Variants in ERC2 observed in about 807,000 individuals in gnomAD.
The protein encoded by ERC2 is ERC protein 2.
In ERC2, 42 loss-of-function variants were observed where a neutral mutation model predicts 114.8. That is an observed-to-expected ratio of 0.37 (90% confidence interval 0.29 to 0.47). ERC2 has a LOEUF of 0.47. Among genes scored for constraint, ERC2 ranks in the 20% least tolerant of loss-of-function variants. The pLI, the probability that ERC2 is intolerant of heterozygous loss-of-function variation, is 0.99. For missense variants in ERC2, 939 were observed against 1,150.7 expected (o/e 0.82, Z 2.66); for synonymous variants, 454 against 425.5 (o/e 1.07, Z -0.82).
intron 14 of ERC2, among the ~76,000 whole-genome samples, chr3:55,830,490 G>T (rs766714342): frequency 3.3e-5 from 5 of 152,104 alleles, no homozygotes; most frequent in Non-Finnish European, 7.4e-5. Context: ...GTCTTGGGAG[G>T]GGGTTTCAAT....
At position 55,867,889 on chromosome 3, in the gene ERC2, ATTC is replaced by A. The variant is rs1362847959; in HGVS notation, c.2564+20497_2564+20499del. Among the ~76,000 whole-genome samples the A allele has an allele frequency of 2.0e-5, 3 of 152,302 alleles. No individual in the cohort carries two copies. In the East Asian group the frequency reaches 5.8e-4, roughly 29 times the overall value. On this transcript the variant is annotated intron_variant, in intron 14 of 17. Coordinates refer to ENST00000288221, the MANE Select transcript of ERC2 (RefSeq NM_015576.3). ...CAAATTTTTATTTTGTATAAGAATT[ATTC>A]TTATCTTGAATGATATAATATTATT...
At chr3:56,147,547 C>T (rs2081205304) in intron 5 of ERC2, among the ~76,000 whole-genome samples, 1 of 152,142 alleles carries the variant, frequency 6.6e-6, no homozygotes, top group African/African-American at 2.4e-5. Flanking sequence ...AATTTGCAAA[C>T]TCAGCAAGGA....
intron 17 of ERC2, among the ~76,000 whole-genome samples, chr3:55,674,658 A>AGTCT (rs1379995667): frequency 6.6e-6 from 1 of 152,120 alleles, no homozygotes; most frequent in Non-Finnish European, 1.5e-5. Flanking sequence ...CACATATGGG[A>AGTCT]GTCTGCCTTT....
At chr3:56,058,810 C>A (rs573572735) in intron 7 of ERC2, among the ~76,000 whole-genome samples, 7 of 152,342 alleles carry the variant, frequency 4.6e-5, no homozygotes, top group African/African-American at 1.4e-4. Flanking sequence ...TCTGGATTCA[C>A]AAAGTCCCCA....
At chr3:55,836,191 T>C (rs1028202328) in intron 14 of ERC2, among the ~76,000 whole-genome samples, 1 of 152,174 alleles carries the variant, frequency 6.6e-6, no homozygotes, top group Non-Finnish European at 1.5e-5. Context: ...AGGTAATTTA[T>C]AGATTCAATG....
At chr3:55,537,641 C>T (rs1329809242) in intron 17 of ERC2, among the ~76,000 whole-genome samples, 2 of 152,172 alleles carry the variant, frequency 1.3e-5, no homozygotes, top group African/African-American at 4.8e-5. Context: ...TAGTTTAGTA[C>T]AAATGCAGCT....
At chr3:55,570,386 C>T (rs540990049) in intron 17 of ERC2, among the ~76,000 whole-genome samples, 7 of 152,058 alleles carry the variant, frequency 4.6e-5, no homozygotes, top group Non-Finnish European at 8.8e-5. Flanking sequence ...AGAAGAGAGG[C>T]GAAGTCCACA....
chr3:55,675,695 C>T (rs1017321044), intron 17 of ERC2, among the ~76,000 whole-genome samples: 11 of 152,062 alleles, frequency 7.2e-5, no homozygotes, highest in Non-Finnish European at 1.5e-4. Context: ...TATTCTCAGG[C>T]TACAAGTCTC....
At chr3:56,316,956 C>T (rs1473912763) in intron 2 of ERC2, among the ~76,000 whole-genome samples, 1 of 152,212 alleles carries the variant, frequency 6.6e-6, no homozygotes. Flanking sequence ...GTGACATTCA[C>T]TCAACTCACT....
intron 3 of ERC2, among the ~76,000 whole-genome samples, chr3:56,176,151 T>C (rs1237600475): frequency 1.3e-5 from 2 of 152,248 alleles, no homozygotes; most frequent in African/African-American, 4.8e-5. Context: ...ATTCATTTCA[T>C]AGATCACCCA....
intron 12 of ERC2, among the ~76,000 whole-genome samples, chr3:55,964,476 G>A (rs191637274): frequency 4.8e-4 from 73 of 151,436 alleles, no homozygotes; most frequent in Admixed American, 9.2e-4. Context: ...TTTCTATGAG[G>A]TAGGCAAAGC....
chr3:55,620,568 C>A (rs1055714798), intron 17 of ERC2, among the ~76,000 whole-genome samples: 1 of 152,146 alleles, frequency 6.6e-6, no homozygotes, highest in Non-Finnish European at 1.5e-5. Flanking sequence ...TTCCTCTGTG[C>A]CCCATAATCT....
intron 13 of ERC2, among the ~76,000 whole-genome samples, chr3:55,942,180 G>A (rs1454769077): frequency 6.7e-6 from 1 of 150,060 alleles, no homozygotes; most frequent in Non-Finnish European, 1.5e-5. Flanking sequence ...CTCTAGGATC[G>A]TGGGCAGGTC....
At chr3:56,354,576 A>G (rs1457772028) in intron 2 of ERC2, among the ~76,000 whole-genome samples, 3 of 152,046 alleles carry the variant, frequency 2.0e-5, no homozygotes, top group Non-Finnish European at 4.4e-5. Context: ...AGAAATCCTA[A>G]TATGTATCAC....
chr3:56,141,775 G>A (rs1235552004), intron 5 of ERC2, among the ~76,000 whole-genome samples: 2 of 151,682 alleles, frequency 1.3e-5, no homozygotes, highest in African/African-American at 4.8e-5. Flanking sequence ...AATCTCCCCT[G>A]GCATTACTAT....
chr3:56,173,684 T>C (rs1203662083), intron 3 of ERC2, 164 bp from the exon 4 acceptor site: 2 of 583,944 alleles, frequency 3.4e-6, no homozygotes, highest in African/African-American at 1.9e-5. Flanking sequence ...CCCTCCTGCC[T>C]GGAGCCTGCG....
chr3:56,217,396 C>A (rs892604574), intron 3 of ERC2, among the ~76,000 whole-genome samples: 19 of 151,906 alleles, frequency 1.3e-4, no homozygotes, highest in Admixed American at 1.1e-3. Context: ...CACAATTGCT[C>A]CAAAGAGAAT....
Position 56,377,940 on chromosome 3 carries a change from T to A in ERC2, c.657+56411A>T, listed in dbSNP as rs1266666195. On this transcript the variant is annotated intron_variant, in intron 2 of 17. Coordinates refer to ENST00000288221, the MANE Select transcript of ERC2 (RefSeq NM_015576.3). ...CAATATTGCCCCAAAATGCAATCAA[T>A]TAAGTGGAAGATTTTGCATGCATGT... Among the ~76,000 whole-genome samples, 7 of 151,986 alleles carry A rather than the reference T, an allele frequency of 4.6e-5. No homozygotes were observed. The East Asian group carries it at 1.4e-3, about 29-fold the overall frequency.
chr3:56,249,154 G>C (rs1017583692), intron 3 of ERC2, among the ~76,000 whole-genome samples: 2 of 152,176 alleles, frequency 1.3e-5, no homozygotes, highest in Non-Finnish European at 2.9e-5. Context: ...AGAATTTCTT[G>C]CTACATTGTG....
Sources: allele counts gnomAD v4.1 joint callset (sites outside exome capture counted in the v4.1 genomes callset), GRCh38; gene constraint gnomAD v4.1.1; transcripts MANE v1.5; gene names NCBI Gene and HGNC (gene_info 2026-07-23, HGNC 2026-07-21).